LOX: variants seen among roughly 807,000 people sequenced by gnomAD.
The protein encoded by LOX is protein-lysine 6-oxidase.
LOX carries 12 observed loss-of-function variants against 50.5 expected under a neutral mutation model. That is an observed-to-expected ratio of 0.24 (90% CI 0.15 to 0.38). The LOEUF is 0.38. LOX is among the 10% of genes least tolerant of loss of function. The pLI is 1.00. For synonymous variants in LOX, 254 were observed against 230.6 expected (o/e 1.10, Z -0.92); for missense variants, 504 against 563.8 (o/e 0.89, Z 1.07).
In LOX at chr5:122,078,048, G is replaced by C; in HGVS notation, c.-63C>G. Reference sequence around the variant, plus strand: ...GTGGCTCACAGAAAATAAAAACGGGGCTCAAATCACGTGAGGGAAGGAGAA... The same window carrying C: ...GTGGCTCACAGAAAATAAAAACGGGCCTCAAATCACGTGAGGGAAGGAGAA... On this transcript the variant is annotated 5_prime_UTR_variant, in exon 1 of 7. Transcript: ENST00000231004. 7.2e-7 allele frequency: 1 copy of C among 1,391,438 alleles called. No homozygotes were observed. The highest frequency in any genetic ancestry group is 9.4e-7 in the Non-Finnish European group (1 of 1,065,912). The allele number at this position is 1,391,438 out of a possible 1,614,324, so 86.2% of individuals were successfully genotyped here.
intron 6 of LOX, among the ~76,000 whole-genome samples, chr5:122,068,363 A>T (rs531282911): frequency 3.3e-5 from 5 of 152,070 alleles, no homozygotes; most frequent in Non-Finnish European, 5.9e-5. Context: ...CTCCAGACCT[A>T]TTTCTAGTGG....
Position 122,078,099 on chromosome 5 carries a change from G to A in LOX, c.-114C>T. On this transcript the variant is annotated 5_prime_UTR_variant, in exon 1 of 7. Transcript: ENST00000231004. ...ATCTTCAACCAAGGAGGCGAGCGGA[G>A]CACGGGTATCTCAGTCTCCACCAAG... 2 of 1,008,412 alleles carry A rather than the reference G, an allele frequency of 2.0e-6. No individual in the cohort carries two copies. Among genetic ancestry groups the A allele is most frequent in the Non-Finnish European group, 2.7e-6 (2 of 746,294 alleles). The allele number at this position is 1,008,412 out of a possible 1,614,324, so 62.5% of individuals were successfully genotyped here.
intron 6 of LOX, among the ~76,000 whole-genome samples, chr5:122,068,507 C>T (rs1363647530): frequency 6.6e-6 from 1 of 152,128 alleles, no homozygotes; most frequent in Non-Finnish European, 1.5e-5. Context: ...AATTCTCTCA[C>T]TTCCCCTACT....
intron 3 of LOX, 88 bp downstream of exon 3, chr5:122,075,316 T>C: frequency 8.1e-7 from 1 of 1,240,498 alleles, no homozygotes; most frequent in Non-Finnish European, 1.1e-6. Flanking sequence ...TCCCTTCAGG[T>C]AAGAAATAAG....
Position 122,067,591 on chromosome 5 carries a change from G to A in LOX, c.1248-842C>T, listed in dbSNP as rs538343429. Among the ~76,000 whole-genome samples, 3 of 152,220 alleles carry A rather than the reference G, an allele frequency of 2.0e-5. No individual in the cohort carries two copies. The South Asian group carries it at 6.2e-4, about 32-fold the overall frequency. The stretch of plus-strand genomic sequence containing the variant: ...TGGCCTTAGGCAAGTTACACTTCCT[G>A]CTCAAAAAGCTTCAGCCTCCCACTG... On this transcript the variant is annotated intron_variant, in intron 6 of 6. Transcript: ENST00000231004.
rs1412721186 is a variant in LOX at position 122,075,463 on chromosome 5, C to T, written c.819G>A (p.Gly273=). Residue 273 remains glycine, a synonymous_variant, in exon 3 of 7, where the codon GGG becomes GGA. Coordinates refer to ENST00000231004, the MANE Select transcript of LOX (RefSeq NM_002317.7). ...LRFPQRVKNQ[G]TSDFLPSRPR... is the part of the protein sequence containing the mutation. ...GTCGGCTGGGTAAGAAATCTGATGT[C>T]CCTTGGTTTTTCACTCTTTGGGGAA... 5 of 1,613,536 alleles carry T rather than the reference C, an allele frequency of 3.1e-6. No individual in the cohort carries two copies. Among genetic ancestry groups the T allele is most frequent in the Non-Finnish European group, 4.2e-6 (5 of 1,179,738 alleles).
intron 5 of LOX, 105 bp from the exon 6 acceptor site, chr5:122,070,273 TTAAGTAAG>T: frequency 1.4e-6 from 1 of 735,082 alleles, no homozygotes; most frequent in Non-Finnish European, 2.4e-6. Context: ...GGATTTTAAC[TTAAGTAAG>T]TGGTTAAACT....
chr5:122,077,896 C>T lies in LOX; in HGVS notation c.90G>A (p.Gln30=), dbSNP rs1316062151. Residue 30 remains glutamine, a synonymous_variant, in exon 1 of 7, where the codon CAG becomes CAA. Coordinates refer to ENST00000231004, the MANE Select transcript of LOX (RefSeq NM_002317.7). This position sits in a 1 kb window ranked among gnomAD's most constrained non-coding sequence, Gnocchi z 4.9. The part of the protein sequence containing the change: ...HCAPPAAGQQ[Q]PPREPPAAPG... The stretch of plus-strand genomic sequence containing the variant: ...GAGCCGCCGGCGGCTCGCGCGGGGG[C>T]TGCTGTTGGCCGGCGGCGGGAGGGG... The T allele has an allele frequency of 1.3e-6, 2 of 1,522,220 alleles. No individual in the cohort carries two copies. The highest frequency in any genetic ancestry group is 5.1e-5 in the East Asian group (2 of 39,540). 94.3% of individuals were successfully genotyped at this position (1,522,220 alleles called of 1,614,324 possible). A position where few individuals can be genotyped will look rare whatever the true frequency, so the allele number is the denominator to read the frequency against.
chr5:122,072,269 G>A (rs1466812116), intron 4 of LOX, among the ~76,000 whole-genome samples: 2 of 152,120 alleles, frequency 1.3e-5, no homozygotes, highest in Admixed American at 6.6e-5. Flanking sequence ...TTAAGTATAA[G>A]CTTTGATTAT....
At chr5:122,068,429 T>A (rs1754360031) in intron 6 of LOX, among the ~76,000 whole-genome samples, 1 of 152,120 alleles carries the variant, frequency 6.6e-6, no homozygotes, top group African/African-American at 2.4e-5. Flanking sequence ...GTCCTTCTGA[T>A]CTCACCACAT....
In LOX at chr5:122,064,370, G is replaced by C. The variant is rs1325144236; in HGVS notation, c.*2373C>G. On this transcript the variant is annotated 3_prime_UTR_variant, in exon 7 of 7. Coordinates refer to ENST00000231004, the MANE Select transcript of LOX (RefSeq NM_002317.7). ...TTAAATCAGTACTTGTGAGTTATTTGGGTGTGTTTAGAGGTGCCAGGAGGG... is the reference window on the plus strand; with the variant it reads ...TTAAATCAGTACTTGTGAGTTATTTCGGTGTGTTTAGAGGTGCCAGGAGGG... 3 of 151,548 alleles carry C rather than the reference G, an allele frequency of 2.0e-5. No individual in the cohort carries two copies. Among genetic ancestry groups the C allele is most frequent in the Non-Finnish European group, 4.4e-5 (3 of 67,804 alleles). The allele number at this position is 151,548 out of a possible 1,614,324, so 9.4% of individuals were successfully genotyped here.
chr5:122,075,448 T>C lies in LOX; in HGVS notation c.834A>G (p.Leu278=), dbSNP rs1246690183. The change falls in exon 3 of 7, where the codon TTA becomes TTG. Residue 278 remains leucine, a synonymous_variant. Transcript: ENST00000231004. ...CCCAGGAATATCTTGGTCGGCTGGG[T>C]AAGAAATCTGATGTCCCTTGGTTTT... is the stretch of plus-strand genomic sequence containing the variant. ...RVKNQGTSDF[L]PSRPRYSWEW... 1.2e-6 allele frequency: 2 copies of C among 1,613,848 alleles called. No homozygotes were observed. Among genetic ancestry groups the C allele is most frequent in the Non-Finnish European group, 8.5e-7 (1 of 1,179,850 alleles).
In LOX at chr5:122,065,141, C is replaced by G. The variant is rs1754266219; in HGVS notation, c.*1602G>C. On this transcript the variant is annotated 3_prime_UTR_variant, in exon 7 of 7. Transcript: ENST00000231004. Reference sequence around the variant, plus strand: ...TATTGTCTACTGGTAAGCTTGTGCCCTGGTGGCTAAGGATCATATGTACCG... The same window carrying G: ...TATTGTCTACTGGTAAGCTTGTGCCGTGGTGGCTAAGGATCATATGTACCG... 1 of 152,048 alleles carries G rather than the reference C, an allele frequency of 6.6e-6. No homozygotes were observed. The highest frequency in any genetic ancestry group is 2.1e-4 in the South Asian group (1 of 4,824). 9.4% of individuals were successfully genotyped at this position (152,048 alleles called of 1,614,324 possible).
At chr5:122,076,371 T>G (rs1228484748) in intron 2 of LOX, among the ~76,000 whole-genome samples, 1 of 152,182 alleles carries the variant, frequency 6.6e-6, no homozygotes, top group Admixed American at 6.5e-5. Context: ...TATTTTAGAA[T>G]AGTGGAAAAA....
In LOX at chr5:122,064,785, T is replaced by C. The variant is rs1158109909; in HGVS notation, c.*1958A>G. 6.6e-6 allele frequency: 1 copy of C among 151,976 alleles called. No individual in the cohort carries two copies. The highest frequency in any genetic ancestry group is 1.5e-5 in the Non-Finnish European group (1 of 67,936). 9.4% of individuals were successfully genotyped at this position (151,976 alleles called of 1,614,324 possible). ...TATTAGGCCTTCAAATGATGATGGA[T>C]GGATAGACAGATAAAAGGCCCAATG... On this transcript the variant is annotated 3_prime_UTR_variant, in exon 7 of 7. Transcript: ENST00000231004.
In LOX at chr5:122,070,549, A is replaced by G. The variant is rs1754419594; in HGVS notation, c.1076T>C (p.Ile359Thr). 6.2e-7 allele frequency: 1 copy of G among 1,609,528 alleles called. No homozygotes were observed. The highest frequency in any genetic ancestry group is 1.7e-4 in the Middle Eastern group (1 of 5,988). The change falls in exon 5 of 7, where the codon ATA (isoleucine) becomes ACA (threonine). Residue 359 changes from isoleucine to threonine, a missense_variant. Around this residue, in one of 2 missense-constraint regions of LOX, gnomAD observed 106 missense variants for 198.1 expected, o/e 0.54. Transcript: ENST00000231004. The part of the protein sequence containing the change: ...PGCYDTYGAD[I>T]DCQWIDITDV... ...TGTAATATCAATCCACTGGCAGTCTATGTCTGCACCATAGGTATCATAACA... is the reference window on the plus strand; with the variant it reads ...TGTAATATCAATCCACTGGCAGTCTGTGTCTGCACCATAGGTATCATAACA...
chr5:122,077,758 G>A lies in LOX; in HGVS notation c.228C>T (p.Val76=), dbSNP rs761937507. ...PQRRRDPGAA[V]PGAANASAQQ... is the part of the protein sequence containing the mutation. ...GGGCGGAGGCGTTGGCTGCACCAGG[G>A]ACGGCGGCGCCCGGGTCCCGGCGGC... Residue 76 remains valine, a synonymous_variant, in exon 1 of 7, where the codon GTC becomes GTT. Coordinates refer to ENST00000231004, the MANE Select transcript of LOX (RefSeq NM_002317.7). The surrounding 1 kb of genome is among the most constrained non-coding windows in gnomAD (Gnocchi z 4.9). 2 of 1,555,572 alleles carry A rather than the reference G, an allele frequency of 1.3e-6. No individual in the cohort carries two copies. The highest frequency in any genetic ancestry group is 4.8e-5 in the East Asian group (2 of 41,956).
In LOX at chr5:122,077,253, C is replaced by G; in HGVS notation, c.631+102G>C. On this transcript the variant is annotated intron_variant, in intron 1 of 6. Transcript: ENST00000231004. This position sits in a 1 kb window ranked among gnomAD's most constrained non-coding sequence, Gnocchi z 4.9. ...CAGGCGCGTGGGGGAGGGATCGGAT[C>G]TGCGAGGACCGGGGCCCGCCGCGCC... The G allele has an allele frequency of 6.5e-7, 1 of 1,549,246 alleles. No homozygotes were observed. The highest frequency in any genetic ancestry group is 8.7e-7 in the Non-Finnish European group (1 of 1,150,136).
intron 6 of LOX, 44 bp downstream of exon 6, chr5:122,070,009 A>G: frequency 1.4e-6 from 2 of 1,393,606 alleles, no homozygotes; most frequent in Non-Finnish European, 2.0e-6. Context: ...ATGAACAAAA[A>G]TTATTTGTGA....
Sources: allele counts gnomAD v4.1 joint callset (sites outside exome capture counted in the v4.1 genomes callset), GRCh38; gene constraint gnomAD v4.1.1; regional missense constraint gnomAD v4.1.1; non-coding constraint Gnocchi (gnomAD v3.1); transcripts MANE v1.5; gene names NCBI Gene and HGNC (gene_info 2026-07-23, HGNC 2026-07-21).